DLGAP2: variants seen among roughly 807,000 people sequenced by gnomAD.
The protein encoded by DLGAP2 is DLG associated protein 2.
DLGAP2 carries 26 observed loss-of-function variants against 100.3 expected under a neutral mutation model. The ratio of observed to expected loss-of-function variants is 0.26; its 90% CI spans 0.19 to 0.36. The LOEUF is 0.36. Ranked by LOEUF, DLGAP2 falls within the 10% of genes least tolerant of loss-of-function variation. The probability of loss-of-function intolerance (pLI) is 1.00; values close to 1 mark genes in which losing one functional copy is unlikely to be tolerated. For synonymous variants in DLGAP2, 886 were observed against 630.1 expected, an observed-to-expected ratio of 1.41 and a Z score of -6.08; for missense variants, 1,858 against 1,453.2, an observed-to-expected ratio of 1.28 and a Z score of -4.53.
chr8:1,085,795 A>G (rs187047850), intron 2 of DLGAP2, among the ~76,000 whole-genome samples: 50 of 152,250 alleles, frequency 3.3e-4, no homozygotes, highest in Non-Finnish European at 6.6e-4. Flanking sequence ...TTTTTTCTGT[A>G]TCTACAAGGA....
intron 1 of DLGAP2, among the ~76,000 whole-genome samples, chr8:878,330 G>A (rs1017124645): frequency 6.6e-6 from 1 of 152,166 alleles, no homozygotes; most frequent in Admixed American, 6.5e-5. Context: ...TGAATGTAAC[G>A]GAAATCAGAG....
intron 3 of DLGAP2, among the ~76,000 whole-genome samples, chr8:1,485,734 C>G (rs1438198364): frequency 6.6e-6 from 1 of 152,196 alleles, no homozygotes; most frequent in Non-Finnish European, 1.5e-5. Context: ...CATAGAAGGT[C>G]AGTCATCAGG....
intron 4 of DLGAP2, among the ~76,000 whole-genome samples, chr8:1,528,316 C>G (rs79120785): frequency 6.6e-6 from 1 of 152,224 alleles, no homozygotes; most frequent in African/African-American, 2.4e-5. Flanking sequence ...CCCACGAACA[C>G]TCCTGGCTCA....
Position 857,853 on chromosome 8 carries a change from A to G in DLGAP2, c.19-50059A>G, listed in dbSNP as rs140082148. Among the ~76,000 whole-genome samples the G allele has an allele frequency of 1.5e-4, 23 of 149,896 alleles. No homozygotes were observed. The East Asian group carries it at 4.4e-3, about 28-fold the overall frequency. ...CCCAGATACTTGAAAACTTCTGTTC[A>G]CACAAAAACTTGCACATGATTTTTT... On this transcript the variant is annotated intron_variant, in intron 1 of 14. Coordinates refer to ENST00000637795, the MANE Select transcript of DLGAP2 (RefSeq NM_001346810.2).
intron 3 of DLGAP2, among the ~76,000 whole-genome samples, chr8:1,270,265 C>G (rs147197820): frequency 1.3e-5 from 2 of 152,122 alleles, no homozygotes; most frequent in Non-Finnish European, 2.9e-5. Context: ...CTTGGATCAA[C>G]AGAGGAGCAA....
intron 3 of DLGAP2, among the ~76,000 whole-genome samples, chr8:1,480,870 A>AG (rs1554480649): frequency 2.1e-5 from 3 of 146,304 alleles, no homozygotes; most frequent in African/African-American, 8.0e-5. Context: ...CCATATAAAA[A>AG]AAAAAGAAAA....
chr8:1,163,834 G>A (rs990808888), intron 2 of DLGAP2, among the ~76,000 whole-genome samples: 2 of 152,188 alleles, frequency 1.3e-5, no homozygotes, highest in Non-Finnish European at 2.9e-5. Context: ...TGGGTACGGA[G>A]GCTCAGGAGC....
At chr8:1,012,728 C>T (rs1801331932) in intron 2 of DLGAP2, among the ~76,000 whole-genome samples, 1 of 137,962 alleles carries the variant, frequency 7.2e-6, no homozygotes, top group Non-Finnish European at 1.6e-5. Flanking sequence ...CACCGTCCGA[C>T]CGGCCCCCCC....
chr8:1,257,625 G>A (rs1691475238), intron 2 of DLGAP2, among the ~76,000 whole-genome samples: 1 of 152,234 alleles, frequency 6.6e-6, no homozygotes, highest in African/African-American at 2.4e-5. Context: ...CACGCTGGAT[G>A]GCAGAGTGTG....
chr8:1,325,286 T>C (rs1356081904), intron 3 of DLGAP2, among the ~76,000 whole-genome samples: 1 of 152,194 alleles, frequency 6.6e-6, no homozygotes, highest in Non-Finnish European at 1.5e-5. Flanking sequence ...CAAGCTTTCT[T>C]TCCTGGACCA....
At chr8:883,360 C>T (rs1797850370) in intron 1 of DLGAP2, 1 of 152,034 alleles carries the variant, frequency 6.6e-6, no homozygotes, top group Non-Finnish European at 1.5e-5. Flanking sequence ...TAAGCCTGGG[C>T]CTACATTGGC....
At chr8:759,669 C>T (rs542830871) in intron 1 of DLGAP2, among the ~76,000 whole-genome samples, 34 of 152,290 alleles carry the variant, frequency 2.2e-4, no homozygotes, top group African/African-American at 7.9e-4. Flanking sequence ...TCCCCCAGGG[C>T]GGTTTCCCCA....
intron 1 of DLGAP2, among the ~76,000 whole-genome samples, chr8:885,727 T>C (rs1260526744): frequency 6.6e-6 from 1 of 152,226 alleles, no homozygotes; most frequent in Non-Finnish European, 1.5e-5. Flanking sequence ...CTTCCAGCTT[T>C]TGCTCATTCA....
At chr8:1,618,860 A>T (rs971010482) in intron 6 of DLGAP2, among the ~76,000 whole-genome samples, 2 of 152,098 alleles carry the variant, frequency 1.3e-5, no homozygotes, top group African/African-American at 2.4e-5. Flanking sequence ...CATCTCTGGC[A>T]CCTGTCCAGT....
intron 1 of DLGAP2, among the ~76,000 whole-genome samples, chr8:815,363 G>T (rs1796457282): frequency 6.6e-6 from 1 of 152,208 alleles, no homozygotes; most frequent in South Asian, 2.1e-4. Flanking sequence ...TAGCCCATCT[G>T]TGGAGGCTTT....
At chr8:900,373 C>G (rs1279061691) in intron 1 of DLGAP2, among the ~76,000 whole-genome samples, 2 of 150,778 alleles carry the variant, frequency 1.3e-5, no homozygotes, top group African/African-American at 4.9e-5. Context: ...CGGGGTTGCT[C>G]CCGGGCGGAT....
intron 3 of DLGAP2, among the ~76,000 whole-genome samples, chr8:1,497,669 C>G (rs193175297): frequency 2.6e-5 from 4 of 152,328 alleles, no homozygotes; most frequent in African/African-American, 7.2e-5. Context: ...GAACATGGCT[C>G]TACCTATGGC....
chr8:1,127,417 C>T (rs756008131), intron 2 of DLGAP2, among the ~76,000 whole-genome samples: 5 of 151,532 alleles, frequency 3.3e-5, no homozygotes, highest in South Asian at 2.1e-4. Flanking sequence ...GAGGTCCCTT[C>T]GTGTGTGGAG....
At chr8:1,701,109 G>A (rs1720950258) in intron 14 of DLGAP2, 79 bp from the exon 15 acceptor site, 1 of 1,357,922 alleles carries the variant, frequency 7.4e-7, no homozygotes, top group Non-Finnish European at 1.0e-6. Flanking sequence ...GTCAGGCCAG[G>A]CCCCAGGGCC....
Sources: gnomAD v4.1 joint callset for allele counts (sites outside exome capture counted in the v4.1 genomes callset) on GRCh38, gnomAD v4.1.1 for gene constraint, MANE v1.5 for transcripts, NCBI Gene and HGNC (gene_info 2026-07-23, HGNC 2026-07-21) for gene names.